The following WNK1 variants were observed in gnomAD, a reference collection of about 807,000 sequenced individuals.
WNK1 encodes the protein WNK lysine deficient protein kinase 1.
WNK1 carries 38 observed loss-of-function variants against 222.8 expected under a neutral mutation model. That is an observed-to-expected ratio of 0.17 (90% confidence interval 0.13 to 0.22). WNK1 has a LOEUF of 0.22. Ranked by LOEUF, WNK1 falls within the 10% of genes least tolerant of loss-of-function variation. The pLI is 1.00. For synonymous variants in WNK1, 1,090 were observed against 1,092.9 expected (o/e 1.00, Z 0.05); for missense variants, 2,348 against 2,918.4 (o/e 0.80, Z 4.50).
chr12:814,321 C>CAA (rs71439363), intron 2 of WNK1, among the ~76,000 whole-genome samples: 9 of 92,000 alleles, frequency 9.8e-5, no homozygotes, highest in African/African-American at 3.7e-4. Context: ...ACTCTGTCTC[C>CAA]AAAAAAAAAA....
At chr12:857,376 ATT>A in intron 5 of WNK1, 127 bp downstream of exon 5, 1 of 891,428 alleles carries the variant, frequency 1.1e-6, no homozygotes, top group Non-Finnish European at 1.8e-6. Context: ...TGCCTGTAAC[ATT>A]TTTAAAGGTA....
At chr12:852,186 A>G (rs1220828786) in intron 4 of WNK1, among the ~76,000 whole-genome samples, 1 of 152,200 alleles carries the variant, frequency 6.6e-6, no homozygotes, top group East Asian at 1.9e-4. Context: ...ATAGAATTCA[A>G]ATGAGAAGTC....
intron 26 of WNK1, chr12:906,422 C>T: frequency 1.0e-6 from 1 of 985,342 alleles, no homozygotes; most frequent in East Asian, 1.1e-4. Context: ...TTCCTCCTCC[C>T]CTTTGCACCC....
chr12:883,116 T>C, intron 15 of WNK1, 57 bp downstream of exon 15: 1 of 1,237,018 alleles, frequency 8.1e-7, no homozygotes. Flanking sequence ...TAATAGCCAT[T>C]GCTCTAGGCA....
intron 22 of WNK1, among the ~76,000 whole-genome samples, chr12:893,745 C>T (rs1037037296): frequency 4.6e-5 from 7 of 150,888 alleles, no homozygotes; most frequent in African/African-American, 1.7e-4. Flanking sequence ...ATGGCATGAA[C>T]CTGGGAGGTG....
chr12:791,485 C>G (rs1944834573), intron 1 of WNK1, among the ~76,000 whole-genome samples: 1 of 151,600 alleles, frequency 6.6e-6, no homozygotes, highest in Non-Finnish European at 1.5e-5. Flanking sequence ...TAGATCTTTG[C>G]TTTTCTATAA....
intron 1 of WNK1, among the ~76,000 whole-genome samples, chr12:795,406 A>G (rs1278318677): frequency 6.8e-6 from 1 of 148,040 alleles, no homozygotes; most frequent in Non-Finnish European, 1.5e-5. Context: ...TGGCGGGGCC[A>G]GCTGGAGGTA....
intron 26 of WNK1, chr12:901,536 C>G (rs1338370907): frequency 2.3e-6 from 3 of 1,285,372 alleles, no homozygotes; most frequent in Admixed American, 2.3e-5. Context: ...TCTCTCTGTT[C>G]TACCCTGTTT....
chr12:753,769 G>A lies in WNK1; in HGVS notation c.204G>A (p.Ala68=), dbSNP rs1281282659. ...CTATGGACAAGGACAGCCGTGGGGCGGCCGCGACCACTACCACCACTGAGC... is the reference window on the plus strand; with the variant it reads ...CTATGGACAAGGACAGCCGTGGGGCAGCCGCGACCACTACCACCACTGAGC... ...RHTMDKDSRG[A]AATTTTTEHR... is the part of the protein sequence containing the mutation. Residue 68 remains alanine (A), a synonymous_variant, in exon 1 of 28, where the codon GCG becomes GCA. Coordinates refer to ENST00000315939, the MANE Select transcript of WNK1 (RefSeq NM_018979.4). This position sits in a 1 kb window ranked among gnomAD's most constrained non-coding sequence, Gnocchi z 5.2. The A allele has an allele frequency of 1.2e-6, 2 of 1,612,274 alleles. No individual in the cohort carries two copies. Among genetic ancestry groups the A allele is most frequent in the African/African-American group, 2.7e-5 (2 of 74,924 alleles).
intron 1 of WNK1, among the ~76,000 whole-genome samples, chr12:771,691 T>C (rs1942526225): frequency 1.3e-5 from 2 of 152,216 alleles, no homozygotes; most frequent in South Asian, 4.1e-4. Context: ...CGCCTCGGCC[T>C]CCCAAAGTGT....
chr12:848,966 A>C (rs1156553818), intron 4 of WNK1, among the ~76,000 whole-genome samples: 1 of 152,088 alleles, frequency 6.6e-6, no homozygotes. Flanking sequence ...AACTACCCAC[A>C]TCTTTATATC....
chr12:785,222 G>T (rs958525261), intron 1 of WNK1, among the ~76,000 whole-genome samples: 6 of 152,004 alleles, frequency 3.9e-5, no homozygotes, highest in African/African-American at 1.4e-4. Flanking sequence ...CTTGGTATGG[G>T]TCTCTTTTTT....
At chr12:863,695 G>A (rs1486916465) in intron 8 of WNK1, among the ~76,000 whole-genome samples, 2 of 151,970 alleles carry the variant, frequency 1.3e-5, no homozygotes, top group African/African-American at 2.4e-5. Context: ...AAAAGCAGAC[G>A]TTCTTGCTTT....
chr12:761,261 T>G (rs1940986634), intron 1 of WNK1, among the ~76,000 whole-genome samples: 1 of 148,156 alleles, frequency 6.7e-6, no homozygotes, highest in African/African-American at 2.4e-5. Context: ...GTGTTGTGAC[T>G]TGAATCTTGG....
chr12:866,658 C>T (rs1461256001), intron 8 of WNK1, among the ~76,000 whole-genome samples: 1 of 152,090 alleles, frequency 6.6e-6, no homozygotes, highest in Non-Finnish European at 1.5e-5. Context: ...CCGCGCCCAG[C>T]GGGTAATGAA....
chr12:867,162 T>C (rs187250463), intron 8 of WNK1, among the ~76,000 whole-genome samples: 2 of 152,268 alleles, frequency 1.3e-5, no homozygotes, highest in East Asian at 1.9e-4. Flanking sequence ...GCAACTCTTA[T>C]TTATGATCAG....
chr12:894,444 T>G, intron 22 of WNK1, 118 bp from the exon 23 acceptor site: 1 of 850,116 alleles, frequency 1.2e-6, no homozygotes, highest in South Asian at 1.4e-5. Flanking sequence ...GGAAGTTCTC[T>G]TTGCCTCTAA....
At chr12:857,368 C>A in intron 5 of WNK1, 119 bp downstream of exon 5, 1 of 952,468 alleles carries the variant, frequency 1.0e-6, no homozygotes, top group Non-Finnish European at 1.7e-6. Flanking sequence ...TCTATTTGTG[C>A]CTGTAACATT....
rs562090430 is a variant in WNK1 at position 909,016 on chromosome 12, C to T, written c.*224C>T. ...AGGAAGGAAAGAACAGCTTTTTTGTCAAGGGGCAGCTTCAGACCATGCTTT... is the reference window on the plus strand; with the variant it reads ...AGGAAGGAAAGAACAGCTTTTTTGTTAAGGGGCAGCTTCAGACCATGCTTT... On this transcript the variant is annotated 3_prime_UTR_variant, in exon 28 of 28. Coordinates refer to ENST00000315939, the MANE Select transcript of WNK1 (RefSeq NM_018979.4). 2.8e-4 allele frequency: 165 copies of T among 583,676 alleles called. 5 individuals carry two copies. In the South Asian group the frequency reaches 3.1e-3, roughly 11 times the overall value. The allele number at this position is 583,676 out of a possible 1,614,324, so 36.2% of individuals were successfully genotyped here. A position where few individuals can be genotyped will look rare whatever the true frequency, so the allele number is the denominator to read the frequency against.
Sources: gnomAD v4.1 joint callset for allele counts (sites outside exome capture counted in the v4.1 genomes callset) on GRCh38, gnomAD v4.1.1 for gene constraint, Gnocchi (gnomAD v3.1) non-coding constraint, MANE v1.5 for transcripts, NCBI Gene and HGNC (gene_info 2026-07-23, HGNC 2026-07-21) for gene names.